The following AKAP10 variants were observed in gnomAD, a reference collection of about 807,000 sequenced individuals.
The protein encoded by AKAP10 is A-kinase anchor protein 10, mitochondrial.
AKAP10 carries 24 observed loss-of-function variants against 80.8 expected under a neutral mutation model. The observed-to-expected ratio is 0.30, with a 90% CI of 0.22 to 0.42. The LOEUF (loss-of-function observed/expected upper bound fraction) is 0.42, where lower values mean the gene tolerates loss of function less well. Ranked by LOEUF, AKAP10 falls within the 10% of genes least tolerant of loss-of-function variation. The pLI is 1.00. For missense variants in AKAP10, 661 were observed against 794.9 expected, an observed-to-expected ratio of 0.83 and a Z score of 2.03; for synonymous variants, 291 against 277.7, an observed-to-expected ratio of 1.05 and a Z score of -0.48.
intron 5 of AKAP10, among the ~76,000 whole-genome samples, chr17:19,942,672 T>C (rs915365131): frequency 3.9e-5 from 6 of 152,208 alleles, no homozygotes; most frequent in Admixed American, 1.3e-4. Flanking sequence ...AATAAGGAAC[T>C]GCTAAAATAA....
chr17:19,931,845 T>G lies in AKAP10; in HGVS notation c.1601A>C (p.Asp534Ala). The change falls in exon 10 of 15, where the codon GAT becomes GCT. Residue 534 changes from aspartate to alanine, a missense_variant. Physicochemically the swap from Asp to Ala is moderately radical, Grantham distance 126. Coordinates refer to ENST00000225737, the MANE Select transcript of AKAP10 (RefSeq NM_007202.4). ...LTAPGSVGPP[D>A]ESHPGSSDSS... The stretch of plus-strand genomic sequence containing the variant: ...GTCAGAACTCCCTGGGTGAGACTCA[T>G]CAGGAGGGCCAACAGAGCCAGGAGC... 6.2e-7 allele frequency: 1 copy of G among 1,614,036 alleles called. No homozygotes were observed. Among genetic ancestry groups the G allele is most frequent in the South Asian group, 1.1e-5 (1 of 91,086 alleles).
chr17:19,947,294 G>C (rs1172856510), intron 5 of AKAP10, 113 bp downstream of exon 5: 1 of 788,732 alleles, frequency 1.3e-6, no homozygotes, highest in South Asian at 1.6e-5. Context: ...AAATTAGGAA[G>C]GGAACTGCTA....
chr17:19,911,424 TCTC>T (rs1277663427), intron 12 of AKAP10, among the ~76,000 whole-genome samples: 1 of 152,182 alleles, frequency 6.6e-6, no homozygotes, highest in East Asian at 1.9e-4. Context: ...ATCTTTTTCT[TCTC>T]CTATCAACAT....
In AKAP10 at chr17:19,932,098, G is replaced by GTT. The variant is rs554752842; in HGVS notation, c.1468-122_1468-121dup. 4.7e-5 allele frequency: 43 copies of GTT among 910,390 alleles called. No individual in the cohort carries two copies. In the East Asian group the frequency reaches 1.1e-3, roughly 23 times the overall value. 56.4% of individuals were successfully genotyped at this position (910,390 alleles called of 1,614,324 possible). ...CAAATGTTAACTACCTATAACAAAT[G>GTT]TTTTTACTTCTTGTTGTACTACAAG... On this transcript the variant is annotated intron_variant, in intron 9 of 14. Transcript: ENST00000225737.
chr17:19,941,913 G>A lies in AKAP10; in HGVS notation c.977-3C>T. The A allele has an allele frequency of 6.2e-7, 1 of 1,607,804 alleles. No individual in the cohort carries two copies. The highest frequency in any genetic ancestry group is 1.7e-5 in the Admixed American group (1 of 59,006). On this transcript the variant is annotated splice_polypyrimidine_tract_variant and splice_region_variant and intron_variant, in intron 5 of 14. Transcript: ENST00000225737. The stretch of plus-strand genomic sequence containing the variant: ...TCCATCTTCTCCACAAATCCTTGCT[G>A]CAAAAGAAGTTGTAAATAATTAAAT...
chr17:19,963,843 C>T (rs2152418550), intron 2 of AKAP10, among the ~76,000 whole-genome samples: 1 of 151,958 alleles, frequency 6.6e-6, no homozygotes, highest in African/African-American at 2.4e-5. Context: ...TTGCAGTGAG[C>T]TGAGATTGCA....
rs1049549344 is a variant in AKAP10 at position 19,950,476 on chromosome 17, G to T, written c.878-2971C>A. 8.5e-5 allele frequency among the ~76,000 whole-genome samples: 13 copies of T among 152,320 alleles called. No homozygotes were observed. In the East Asian group the frequency reaches 1.2e-3, roughly 14 times the overall value. Reference sequence around the variant, plus strand: ...AGGCGCACGCCGCCACACCTGACTGGTTTTTGCATTTTTTGGTGGAGACGG... The same window carrying T: ...AGGCGCACGCCGCCACACCTGACTGTTTTTTGCATTTTTTGGTGGAGACGG... On this transcript the variant is annotated intron_variant, in intron 4 of 14. Coordinates refer to ENST00000225737, the MANE Select transcript of AKAP10 (RefSeq NM_007202.4).
chr17:19,928,917 A>ATGGT (rs562901751), intron 10 of AKAP10, among the ~76,000 whole-genome samples: 5,917 of 152,302 alleles, frequency 0.039, 155 homozygotes, highest in Non-Finnish European at 0.058. Flanking sequence ...AAACTTGTAC[A>ATGGT]CAAATGGTCA....
In AKAP10 at chr17:19,923,011, A is replaced by G. The variant is rs373748277; in HGVS notation, c.1751+1397T>C. Among the ~76,000 whole-genome samples, 5 of 152,240 alleles carry G rather than the reference A, an allele frequency of 3.3e-5. No homozygotes were observed. The East Asian group carries it at 5.8e-4, about 18-fold the overall frequency. ...TTTATGTAAGGTCTTAAATAAATGA[A>G]CCATCCCTTAAGAATAACATCATCT... On this transcript the variant is annotated intron_variant, in intron 11 of 14. Coordinates refer to ENST00000225737, the MANE Select transcript of AKAP10 (RefSeq NM_007202.4).
intron 13 of AKAP10, 27 bp downstream of exon 13, chr17:19,909,899 T>C: frequency 1.2e-6 from 2 of 1,609,294 alleles, no homozygotes; most frequent in Non-Finnish European, 1.7e-6. Flanking sequence ...TAAACAGAAA[T>C]CTTTTTATCC....
In AKAP10 at chr17:19,928,224, CA is replaced by C. The variant is rs1049335904; in HGVS notation, c.1641+3580del. 3.4e-5 allele frequency among the ~76,000 whole-genome samples: 5 copies of C among 145,764 alleles called. No homozygotes were observed. In the South Asian group the frequency reaches 6.4e-4, roughly 19 times the overall value. On this transcript the variant is annotated intron_variant, in intron 10 of 14. Coordinates refer to ENST00000225737, the MANE Select transcript of AKAP10 (RefSeq NM_007202.4). ...TGGCTGACAGAGTGAGACTTGGTCT[CA>C]AAAAAAAATAAATAAATAAAAATAA... is the stretch of plus-strand genomic sequence containing the variant.
At chr17:19,911,419 T>C (rs2042688207) in intron 12 of AKAP10, among the ~76,000 whole-genome samples, 1 of 152,184 alleles carries the variant, frequency 6.6e-6, no homozygotes, top group Admixed American at 6.5e-5. Flanking sequence ...TTTGAATCTT[T>C]TTCTTCTCCT....
chr17:19,917,002 C>T (rs1039667649), intron 12 of AKAP10, among the ~76,000 whole-genome samples: 13 of 151,890 alleles, frequency 8.6e-5, no homozygotes, highest in African/African-American at 2.2e-4. Flanking sequence ...CGGTGGCTCA[C>T]GCCTGTAACT....
chr17:19,956,981 C>T (rs887888116), intron 4 of AKAP10, among the ~76,000 whole-genome samples: 1 of 151,928 alleles, frequency 6.6e-6, no homozygotes, highest in Non-Finnish European at 1.5e-5. Flanking sequence ...CAGATTAGAC[C>T]TCATTTTAGT....
At chr17:19,963,172 T>C in intron 2 of AKAP10, 150 bp from the exon 3 acceptor site, 1 of 544,314 alleles carries the variant, frequency 1.8e-6, no homozygotes, top group Non-Finnish European at 3.0e-6. Flanking sequence ...AGAGGAAAAG[T>C]AACTTAATCA....
At chr17:19,956,186 C>T (rs983697260) in intron 4 of AKAP10, among the ~76,000 whole-genome samples, 6 of 152,090 alleles carry the variant, frequency 3.9e-5, no homozygotes, top group Non-Finnish European at 5.9e-5. Context: ...TACGAGCACC[C>T]AAGACAAAAA....
intron 11 of AKAP10, among the ~76,000 whole-genome samples, chr17:19,922,555 T>C (rs1001242032): frequency 1.3e-5 from 2 of 152,188 alleles, no homozygotes; most frequent in African/African-American, 2.4e-5. Flanking sequence ...GAAGATAATC[T>C]TTCAAGATGA....
chr17:19,944,882 A>C (rs1190521052), intron 5 of AKAP10, among the ~76,000 whole-genome samples: 3 of 152,198 alleles, frequency 2.0e-5, no homozygotes, highest in African/African-American at 7.2e-5. Flanking sequence ...CAACACCAAA[A>C]ATCCAAGGAT....
chr17:19,946,050 T>TATATATATA (rs2152415221), intron 5 of AKAP10, among the ~76,000 whole-genome samples: 3 of 146,500 alleles, frequency 2.0e-5, no homozygotes, highest in African/African-American at 7.5e-5. Flanking sequence ...AATGAAAACA[T>TATATATATA]TTTTCTGAAA....
Sources: gnomAD v4.1 joint callset for allele counts (sites outside exome capture counted in the v4.1 genomes callset) on GRCh38, gnomAD v4.1.1 for gene constraint, MANE v1.5 for transcripts, NCBI Gene and HGNC (gene_info 2026-07-23, HGNC 2026-07-21) for gene names.